Variants in PTPRN2 observed in about 807,000 individuals in gnomAD.
The protein encoded by PTPRN2 is protein tyrosine phosphatase receptor type N2.
A neutral mutation model predicts 118.8 loss-of-function variants in PTPRN2; 74 were observed. That is an observed-to-expected ratio of 0.62 (90% CI 0.52 to 0.76). The LOEUF (loss-of-function observed/expected upper bound fraction) is 0.76, where lower values mean the gene tolerates loss of function less well. Ranked by LOEUF, PTPRN2 falls within the 30% of genes least tolerant of loss-of-function variation. PTPRN2 has a pLI of 0.00. For synonymous variants in PTPRN2, 641 were observed against 608.0 expected (o/e 1.05, Z -0.80); for missense variants, 1,481 against 1,394.4 (o/e 1.06, Z -0.99).
intron 2 of PTPRN2, among the ~76,000 whole-genome samples, chr7:158,318,572 G>A (rs771717437): frequency 2.6e-5 from 4 of 152,164 alleles, no homozygotes; most frequent in Non-Finnish European, 4.4e-5. Flanking sequence ...CAGGGCCGGC[G>A]GCCTCTTCCG....
At chr7:158,060,738 C>T (rs1810266998) in intron 11 of PTPRN2, among the ~76,000 whole-genome samples, 1 of 152,204 alleles carries the variant, frequency 6.6e-6, no homozygotes, top group South Asian at 2.1e-4. Flanking sequence ...CTGCTAGAGA[C>T]ATTGCATTCA....
At chr7:157,753,001 C>T (rs1446388234) in intron 12 of PTPRN2, among the ~76,000 whole-genome samples, 5 of 152,200 alleles carry the variant, frequency 3.3e-5, no homozygotes, top group South Asian at 2.1e-4. Context: ...TGATAACAGA[C>T]GGTCAGGAGA....
chr7:158,222,173 C>T (rs1264233394), intron 3 of PTPRN2, among the ~76,000 whole-genome samples: 4 of 152,144 alleles, frequency 2.6e-5, no homozygotes, highest in Non-Finnish European at 5.9e-5. Flanking sequence ...TTGGAAATTT[C>T]TCAGAGAACT....
chr7:157,873,188 T>C (rs1244056945), intron 12 of PTPRN2, among the ~76,000 whole-genome samples: 1 of 152,214 alleles, frequency 6.6e-6, no homozygotes, highest in African/African-American at 2.4e-5. Flanking sequence ...TCCTCGCTGC[T>C]TGTGGGAGGG....
At chr7:157,718,744 A>T (rs1322472998) in intron 12 of PTPRN2, among the ~76,000 whole-genome samples, 2 of 123,780 alleles carry the variant, frequency 1.6e-5, no homozygotes, top group African/African-American at 3.1e-5. Flanking sequence ...CACTGCAGCC[A>T]CTCTCCATGG....
At chr7:157,547,160 G>A (rs1458589812) in intron 22 of PTPRN2, among the ~76,000 whole-genome samples, 1 of 152,196 alleles carries the variant, frequency 6.6e-6, no homozygotes, top group Non-Finnish European at 1.5e-5. Context: ...ATCCCAGAGT[G>A]GGCCTCACTG....
chr7:158,108,522 C>A (rs1815884631), intron 10 of PTPRN2, among the ~76,000 whole-genome samples: 1 of 152,194 alleles, frequency 6.6e-6, no homozygotes, highest in South Asian at 2.1e-4. Context: ...TGTATGGAGC[C>A]CCCTGTCCCT....
At chr7:157,557,056 C>T (rs1798930769) in intron 21 of PTPRN2, among the ~76,000 whole-genome samples, 1 of 151,520 alleles carries the variant, frequency 6.6e-6, no homozygotes. Flanking sequence ...ATGCACACCC[C>T]ACACTCATGT....
chr7:157,632,228 C>T lies in PTPRN2; in HGVS notation c.2197-10719G>A, dbSNP rs760099367. On this transcript the variant is annotated intron_variant, in intron 14 of 22. Transcript: ENST00000389418. This position sits in a 1 kb window ranked among gnomAD's most constrained non-coding sequence, Gnocchi z 4.3. ...CAGGGTACTTCCTGGAGTCCACAGCCGGCCCAGTCTCTGCCTCACCTCTAG... is the reference window on the plus strand; with the variant it reads ...CAGGGTACTTCCTGGAGTCCACAGCTGGCCCAGTCTCTGCCTCACCTCTAG... 5.3e-5 allele frequency among the ~76,000 whole-genome samples: 8 copies of T among 152,174 alleles called. No individual in the cohort carries two copies. Among genetic ancestry groups the T allele is most frequent in the Admixed American group, 2.6e-4 (4 of 15,282 alleles).
chr7:158,164,403 AGC>A (rs1223934563), intron 6 of PTPRN2, among the ~76,000 whole-genome samples: 2 of 30,052 alleles, frequency 6.7e-5, no homozygotes, highest in Non-Finnish European at 8.8e-5. Context: ...GCAGAGCAGG[AGC>A]GCGCGCGTAG....
chr7:157,803,162 G>T (rs1805423203), intron 12 of PTPRN2, among the ~76,000 whole-genome samples: 1 of 152,050 alleles, frequency 6.6e-6, no homozygotes, highest in Non-Finnish European at 1.5e-5. Context: ...ACAGGGTTTT[G>T]CCATGTTAGC....
chr7:157,853,945 C>T (rs960596596), intron 12 of PTPRN2, among the ~76,000 whole-genome samples: 1 of 152,200 alleles, frequency 6.6e-6, no homozygotes, highest in African/African-American at 2.4e-5. Context: ...CCACAGGGAA[C>T]ACCGCGTGAA....
rs1248632473 is a variant in PTPRN2 at position 157,772,282 on chromosome 7, GAC to G, written c.1789-89347_1789-89346del. Among the ~76,000 whole-genome samples, 270 of 72,006 alleles carry G rather than the reference GAC, an allele frequency of 3.7e-3. 1 individual carries two copies. Among genetic ancestry groups the G allele is most frequent in the African/African-American group, 0.03 (257 of 8,464 alleles). 47.2% of individuals were successfully genotyped at this position (72,006 alleles called of 152,430 possible). A position where few individuals can be genotyped will look rare whatever the true frequency, so the allele number is the denominator to read the frequency against. The stretch of plus-strand genomic sequence containing the variant: ...ACAGACACCCATACAGACATACACA[GAC>G]ACACAAACACACAGACATACAGACA... On this transcript the variant is annotated intron_variant, in intron 12 of 22. Coordinates refer to ENST00000389418, the MANE Select transcript of PTPRN2 (RefSeq NM_002847.5).
At chr7:157,755,034 C>T (rs973184269) in intron 12 of PTPRN2, among the ~76,000 whole-genome samples, 3 of 152,076 alleles carry the variant, frequency 2.0e-5, no homozygotes, top group African/African-American at 7.2e-5. Context: ...TATGGGTGTG[C>T]GCTGCCACGC....
chr7:158,445,830 C>A (rs1045459342), intron 2 of PTPRN2, among the ~76,000 whole-genome samples: 2 of 152,228 alleles, frequency 1.3e-5, no homozygotes, highest in Non-Finnish European at 2.9e-5. Flanking sequence ...GAGCAGCAGA[C>A]GCATCATCAG....
intron 12 of PTPRN2, chr7:157,854,408 A>G (rs1397356713): frequency 6.6e-6 from 1 of 152,398 alleles, no homozygotes. Flanking sequence ...CATGGGGCCA[A>G]AGAGCAGCCG....
At chr7:158,044,432 C>A (rs988652442) in intron 11 of PTPRN2, among the ~76,000 whole-genome samples, 16 of 152,224 alleles carry the variant, frequency 1.1e-4, no homozygotes, top group Non-Finnish European at 1.3e-4. Context: ...AAAGCAAGCA[C>A]TCCAATGTGT....
chr7:158,186,500 C>G (rs939637938), intron 5 of PTPRN2, among the ~76,000 whole-genome samples: 1 of 152,200 alleles, frequency 6.6e-6, no homozygotes, highest in Non-Finnish European at 1.5e-5. Flanking sequence ...TGGAAGCCCA[C>G]CTGGGCCACC....
At chr7:158,033,137 C>T (rs73171517) in intron 11 of PTPRN2, among the ~76,000 whole-genome samples, 7,365 of 97,574 alleles carry the variant, frequency 0.075, 238 homozygotes, top group Admixed American at 0.14. Flanking sequence ...TCAGCCTAAG[C>T]GGCAGTGGCC....
Sources: gnomAD v4.1 joint callset for allele counts (sites outside exome capture counted in the v4.1 genomes callset) on GRCh38, gnomAD v4.1.1 for gene constraint, Gnocchi (gnomAD v3.1) non-coding constraint, MANE v1.5 for transcripts, NCBI Gene and HGNC (gene_info 2026-07-23, HGNC 2026-07-21) for gene names.